Variants in MRPS35 observed in about 807,000 individuals in gnomAD.
MRPS35 encodes the protein small ribosomal subunit protein mS35.
Under a neutral mutation model 32.7 loss-of-function variants are expected in MRPS35, and 29 were observed. The ratio of observed to expected loss-of-function variants is 0.89; its 90% CI spans 0.66 to 1.21. The LOEUF (loss-of-function observed/expected upper bound fraction) is 1.21, where lower values mean the gene tolerates loss of function less well. Among genes scored for constraint, MRPS35 ranks in the 50% most tolerant of loss-of-function variants. The pLI is 0.00. For missense variants in MRPS35, 373 were observed against 383.8 expected, an observed-to-expected ratio of 0.97 and a Z score of 0.23; for synonymous variants, 148 against 139.3, an observed-to-expected ratio of 1.06 and a Z score of -0.44.
chr12:27,720,589 A>G (rs1434018335), intron 4 of MRPS35, among the ~76,000 whole-genome samples: 1 of 151,916 alleles, frequency 6.6e-6, no homozygotes, highest in Non-Finnish European at 1.5e-5. Flanking sequence ...TTTCTTTACC[A>G]TCCCCAGCCC....
chr12:27,724,461 C>T (rs975629189), intron 5 of MRPS35, among the ~76,000 whole-genome samples: 1 of 151,774 alleles, frequency 6.6e-6, no homozygotes. Context: ...TCAAATTATA[C>T]ACCAGGCATG....
intron 5 of MRPS35, among the ~76,000 whole-genome samples, chr12:27,729,974 A>G (rs2061915373): frequency 6.6e-6 from 1 of 152,232 alleles, no homozygotes; most frequent in Non-Finnish European, 1.5e-5. Flanking sequence ...TACCTGATAT[A>G]CTTTTTAAAA....
intron 7 of MRPS35, among the ~76,000 whole-genome samples, chr12:27,739,757 GT>G (rs2061956517): frequency 6.6e-6 from 1 of 152,110 alleles, no homozygotes; most frequent in Non-Finnish European, 1.5e-5. Flanking sequence ...AATACAACCC[GT>G]TTTGACTTTC....
intron 4 of MRPS35, among the ~76,000 whole-genome samples, chr12:27,721,993 G>T (rs2140758823): frequency 6.6e-6 from 1 of 152,274 alleles, no homozygotes; most frequent in Admixed American, 6.5e-5. Flanking sequence ...GTAGGCTGAG[G>T]TGGACGACAG....
At chr12:27,737,409 C>T in intron 6 of MRPS35, 130 bp from the exon 7 acceptor site, 1 of 675,086 alleles carries the variant, frequency 1.5e-6, no homozygotes, top group Non-Finnish European at 2.6e-6. Context: ...ATTCCAAAAA[C>T]AGTTTTCCTA....
chr12:27,740,821 G>T (rs1193392510), intron 7 of MRPS35, among the ~76,000 whole-genome samples: 3 of 152,170 alleles, frequency 2.0e-5, no homozygotes, highest in African/African-American at 7.2e-5. Context: ...CTGCCTCAAA[G>T]AATAATTATT....
At chr12:27,734,983 A>G (rs576572317) in intron 5 of MRPS35, among the ~76,000 whole-genome samples, 1 of 152,292 alleles carries the variant, frequency 6.6e-6, no homozygotes, top group Non-Finnish European at 1.5e-5. Context: ...GTAGCTTTTA[A>G]AAAAAGCTTG....
chr12:27,751,761 C>T (rs149251087), intron 7 of MRPS35, among the ~76,000 whole-genome samples: 8 of 152,218 alleles, frequency 5.3e-5, no homozygotes, highest in Non-Finnish European at 1.0e-4. Context: ...GCCTGTACAA[C>T]GGTAGCAGGG....
chr12:27,743,889 G>C (rs576389556), intron 7 of MRPS35, among the ~76,000 whole-genome samples: 1 of 152,284 alleles, frequency 6.6e-6, no homozygotes, highest in African/African-American at 2.4e-5. Context: ...GAGAGAGGAA[G>C]GAAATTCCCT....
At chr12:27,721,933 A>G (rs558010466) in intron 4 of MRPS35, among the ~76,000 whole-genome samples, 2 of 152,188 alleles carry the variant, frequency 1.3e-5, no homozygotes, top group African/African-American at 4.8e-5. Context: ...CAAAAATATT[A>G]AAAAATTAGC....
At chr12:27,730,736 G>C (rs904553856) in intron 5 of MRPS35, among the ~76,000 whole-genome samples, 2 of 152,166 alleles carry the variant, frequency 1.3e-5, no homozygotes, top group African/African-American at 2.4e-5. Flanking sequence ...CTCCTAAAGT[G>C]CTGGGATTAC....
At chr12:27,713,721 C>T (rs2061837285) in intron 1 of MRPS35, among the ~76,000 whole-genome samples, 1 of 152,170 alleles carries the variant, frequency 6.6e-6, no homozygotes. Flanking sequence ...TGGAAACATC[C>T]CCACAGACAT....
At chr12:27,731,532 T>A (rs964556693) in intron 5 of MRPS35, among the ~76,000 whole-genome samples, 5 of 152,216 alleles carry the variant, frequency 3.3e-5, no homozygotes, top group Non-Finnish European at 7.3e-5. Context: ...TTGCTAGGTT[T>A]CAGTATCAGG....
In MRPS35 at chr12:27,744,319, C is replaced by T. The variant is rs115105263; in HGVS notation, c.702+6711C>T. On this transcript the variant is annotated intron_variant, in intron 7 of 7. Coordinates refer to ENST00000081029, the MANE Select transcript of MRPS35 (RefSeq NM_021821.4). ...TTTCATAGCAGCTATTGAGGCTGGG[C>T]GCGGTGGCTCACACCTGTAATCCCA... Among the ~76,000 whole-genome samples, 787 of 152,076 alleles carry T rather than the reference C, an allele frequency of 5.2e-3. 11 individuals carry two copies. Among genetic ancestry groups the T allele is most frequent in the African/African-American group, 0.018 (754 of 41,480 alleles).
intron 5 of MRPS35, among the ~76,000 whole-genome samples, chr12:27,726,876 C>G (rs1021569391): frequency 6.6e-6 from 1 of 151,580 alleles, no homozygotes; most frequent in Non-Finnish European, 1.5e-5. Context: ...TTCTGGACAC[C>G]AGTCCCAGTC....
chr12:27,745,001 A>G (rs1216531461), intron 7 of MRPS35, among the ~76,000 whole-genome samples: 2 of 152,094 alleles, frequency 1.3e-5, no homozygotes, highest in Non-Finnish European at 2.9e-5. Flanking sequence ...TTTCGCCCAG[A>G]CTGGAGTGCA....
At chr12:27,711,073 G>T (rs1031584928) in intron 1 of MRPS35, 118 bp downstream of exon 1, 2 of 869,302 alleles carry the variant, frequency 2.3e-6, no homozygotes, top group Non-Finnish European at 3.7e-6. Flanking sequence ...CAGTGCGTCC[G>T]CTGCCAGGCC....
At position 27,710,858 on chromosome 12, in the gene MRPS35, G is replaced by A. The variant is rs769376905; in HGVS notation, c.15G>A (p.Ala5=). The A allele has an allele frequency of 6.2e-7, 1 of 1,608,048 alleles. No individual in the cohort carries two copies. MAAA[A]LPAWLSLQSR... ...TCCTCGCAGCCATGGCGGCCGCCGC[G>A]CTCCCAGCATGGCTGTCTCTGCAGT... The change falls in exon 1 of 8, where the codon GCG becomes GCA. Residue 5 remains alanine (A), a synonymous_variant. Transcript: ENST00000081029.
intron 5 of MRPS35, among the ~76,000 whole-genome samples, chr12:27,728,701 C>G (rs2061909854): frequency 6.6e-6 from 1 of 152,060 alleles, no homozygotes; most frequent in South Asian, 2.1e-4. Context: ...TGGCAAACAA[C>G]CCCACCTCCC....
Sources: allele counts gnomAD v4.1 joint callset (sites outside exome capture counted in the v4.1 genomes callset), GRCh38; gene constraint gnomAD v4.1.1; transcripts MANE v1.5; gene names NCBI Gene and HGNC (gene_info 2026-07-23, HGNC 2026-07-21).